ALMS1: variants seen among roughly 807,000 people sequenced by gnomAD.
The protein encoded by ALMS1 is centrosome-associated protein ALMS1.
ALMS1 carries 271 observed loss-of-function variants against 352.2 expected under a neutral mutation model. That is an observed-to-expected ratio of 0.77 (90% CI 0.70 to 0.85). The LOEUF (loss-of-function observed/expected upper bound fraction) is 0.85. Ranked by LOEUF, ALMS1 falls within the 40% of genes least tolerant of loss-of-function variation. ALMS1 has a pLI of 0.00. For missense variants in ALMS1, 5,445 were observed against 4,870.7 expected, an observed-to-expected ratio of 1.12 and a Z score of -3.51; for synonymous variants, 1,865 against 1,761.2, an observed-to-expected ratio of 1.06 and a Z score of -1.48.
At chr2:73,581,137 C>A (rs1170212421) in intron 16 of ALMS1, among the ~76,000 whole-genome samples, 1 of 152,176 alleles carries the variant, frequency 6.6e-6, no homozygotes, top group Non-Finnish European at 1.5e-5. Flanking sequence ...AGCCCTTATG[C>A]CCCAAAGATT....
intron 9 of ALMS1, among the ~76,000 whole-genome samples, chr2:73,464,089 A>T (rs566515920): frequency 9.2e-5 from 14 of 152,302 alleles, no homozygotes; most frequent in Middle Eastern, 3.4e-3. Context: ...TCCCTAACTC[A>T]TTTTATGAGG....
chr2:73,541,344 A>G (rs1674175236), intron 12 of ALMS1, among the ~76,000 whole-genome samples: 2 of 152,254 alleles, frequency 1.3e-5, no homozygotes, highest in Admixed American at 6.5e-5. Flanking sequence ...GATACAACAT[A>G]CCACAATCTC....
At chr2:73,506,634 C>G (rs899469286) in intron 10 of ALMS1, among the ~76,000 whole-genome samples, 1 of 152,132 alleles carries the variant, frequency 6.6e-6, no homozygotes, top group Non-Finnish European at 1.5e-5. Context: ...GATTTTGTAT[C>G]CTGAGACTTT....
At chr2:73,544,710 A>T (rs1372801528) in intron 12 of ALMS1, among the ~76,000 whole-genome samples, 1 of 152,080 alleles carries the variant, frequency 6.6e-6, no homozygotes, top group Non-Finnish European at 1.5e-5. Flanking sequence ...TTAAATATAT[A>T]CCCCAACAAA....
At chr2:73,578,740 T>C (rs1487152081) in intron 16 of ALMS1, among the ~76,000 whole-genome samples, 2 of 152,192 alleles carry the variant, frequency 1.3e-5, no homozygotes, top group East Asian at 3.8e-4. Context: ...ACAGATTACA[T>C]CTTCATTTTG....
At chr2:73,562,205 G>C (rs917868847) in intron 15 of ALMS1, among the ~76,000 whole-genome samples, 1 of 152,020 alleles carries the variant, frequency 6.6e-6, no homozygotes, top group East Asian at 1.9e-4. Context: ...TCATTCTGTT[G>C]CCCAGGCTGG....
intron 10 of ALMS1, among the ~76,000 whole-genome samples, chr2:73,512,944 A>G (rs1469747104): frequency 6.6e-6 from 1 of 152,210 alleles, no homozygotes; most frequent in Admixed American, 6.5e-5. Context: ...CCAGCCCTAC[A>G]CTTATTTACA....
At chr2:73,562,139 A>G (rs1452091706) in intron 15 of ALMS1, among the ~76,000 whole-genome samples, 1 of 149,560 alleles carries the variant, frequency 6.7e-6, no homozygotes, top group African/African-American at 2.5e-5. Context: ...TGGAACTTAC[A>G]ATTGTATGTA....
chr2:73,413,826 A>T (rs903803783), intron 2 of ALMS1, among the ~76,000 whole-genome samples: 1 of 152,194 alleles, frequency 6.6e-6, no homozygotes, highest in Non-Finnish European at 1.5e-5. Context: ...ATTTCATGAC[A>T]TCTTTGTAAA....
chr2:73,606,795 A>G (rs936047171), intron 21 of ALMS1, among the ~76,000 whole-genome samples: 2 of 152,182 alleles, frequency 1.3e-5, no homozygotes, highest in African/African-American at 4.8e-5. Flanking sequence ...ATTGTGTCCT[A>G]TTAAGGATTT....
chr2:73,595,396 T>C (rs1675524306), intron 16 of ALMS1, among the ~76,000 whole-genome samples: 1 of 152,218 alleles, frequency 6.6e-6, no homozygotes, highest in African/African-American at 2.4e-5. Context: ...GTATATAGCA[T>C]CAGATGTGGT....
At position 73,450,672 on chromosome 2, in the gene ALMS1, C is replaced by G. The variant is rs763865904; in HGVS notation, c.4145C>G (p.Ser1382Ter). The G allele has an allele frequency of 6.2e-7, 1 of 1,613,532 alleles. No homozygotes were observed. Among genetic ancestry groups the G allele is most frequent in the Non-Finnish European group, 8.5e-7 (1 of 1,179,838 alleles). ...CCAACTGTAACCTCTACTTCTTACT[C>G]ACAACATACAGAGAAGCCGAGTATT... is the stretch of plus-strand genomic sequence containing the variant. The part of the protein sequence containing the change: ...GTPTVTSTSY[S>*]QHTEKPSIFY... The change falls in exon 8 of 23, where the codon TCA becomes TGA. Residue 1382 changes from serine (S) to a stop codon, truncating the protein, a stop_gained. Transcript: ENST00000613296. LOFTEE classifies it high-confidence loss of function.
chr2:73,386,132 G>C lies in ALMS1; in HGVS notation c.264G>C (p.Leu88Phe), dbSNP rs1670522218. Reference protein sequence around the residue: ...AWLQAHPGRILPPLSPPQHRY... With the variant: ...AWLQAHPGRIFPPLSPPQHRY... The stretch of plus-strand genomic sequence containing the variant: ...TGCAGGCGCACCCCGGCAGGATTTT[G>C]CCTCCGCTGTCGCCCCCGCAGCACC... The change falls in exon 1 of 23, where the codon TTG (leucine) becomes TTC (phenylalanine). Residue 88 changes from leucine to phenylalanine, a missense_variant. Physicochemically the swap from Leu to Phe is conservative, Grantham distance 22. Coordinates refer to ENST00000613296, the MANE Select transcript of ALMS1 (RefSeq NM_001378454.1). The C allele has an allele frequency of 6.4e-7, 1 of 1,568,368 alleles. No individual in the cohort carries two copies. The highest frequency in any genetic ancestry group is 8.6e-7 in the Non-Finnish European group (1 of 1,157,518).
At chr2:73,414,475 T>TTTTTTTTTTTTG (rs1553399399) in intron 2 of ALMS1, among the ~76,000 whole-genome samples, 57 of 73,920 alleles carry the variant, frequency 7.7e-4, no homozygotes, top group Admixed American at 1.2e-3. Context: ...TTTTTTCCGT[T>TTTTTTTTTTTTG]TTTTTTTTTT....
chr2:73,395,888 C>T (rs1016896809), intron 1 of ALMS1, among the ~76,000 whole-genome samples: 4 of 152,084 alleles, frequency 2.6e-5, no homozygotes, highest in Admixed American at 6.6e-5. Context: ...GGTGTCCAAT[C>T]TTTTGGCTTC....
At chr2:73,440,431 CCTCT>C (rs1671694242) in intron 7 of ALMS1, among the ~76,000 whole-genome samples, 1 of 151,928 alleles carries the variant, frequency 6.6e-6, no homozygotes, top group South Asian at 2.1e-4. Context: ...TCGTCTTCTC[CCTCT>C]CTCTCGCGTT....
At position 73,490,550 on chromosome 2, in the gene ALMS1, G is replaced by A; in HGVS notation, c.8591G>A (p.Gly2864Glu). The A allele has an allele frequency of 6.2e-7, 1 of 1,614,154 alleles. No homozygotes were observed. The highest frequency in any genetic ancestry group is 8.5e-7 in the Non-Finnish European group (1 of 1,180,028). Residue 2864 changes from glycine to glutamate, a missense_variant, in exon 10 of 23, where the codon GGA becomes GAA. Coordinates refer to ENST00000613296, the MANE Select transcript of ALMS1 (RefSeq NM_001378454.1). ...GTAAACAGATCGAGTTCCAGACTAG[G>A]AGTAAAAGAGAAGAATGTAACTATA... The part of the protein sequence containing the change: ...LGVNRSSSRL[G>E]VKEKNVTITP...
intron 12 of ALMS1, among the ~76,000 whole-genome samples, chr2:73,537,337 C>T (rs1182516713): frequency 1.3e-5 from 2 of 152,150 alleles, no homozygotes; most frequent in Admixed American, 6.5e-5. Context: ...ATGCGTAGGC[C>T]TGTGTATGCT....
At chr2:73,455,927 G>T (rs769592126) in intron 9 of ALMS1, among the ~76,000 whole-genome samples, 10 of 151,920 alleles carry the variant, frequency 6.6e-5, no homozygotes, top group Non-Finnish European at 5.9e-5. Flanking sequence ...ATTTTCAAAT[G>T]TTTATTTTAA....
Sources: gnomAD v4.1 joint callset for allele counts (sites outside exome capture counted in the v4.1 genomes callset) on GRCh38, gnomAD v4.1.1 for gene constraint, MANE v1.5 for transcripts, NCBI Gene and HGNC (gene_info 2026-07-23, HGNC 2026-07-21) for gene names.